The following ARHGAP36 variants were observed in gnomAD, a reference collection of about 807,000 sequenced individuals.
ARHGAP36 encodes rho GTPase-activating protein 36.
ARHGAP36 carries 7 observed loss-of-function variants against 32.9 expected under a neutral mutation model. The ratio of observed to expected loss-of-function variants is 0.21; its 90% CI spans 0.12 to 0.40. The LOEUF (loss-of-function observed/expected upper bound fraction) is 0.40. Among genes scored for constraint, ARHGAP36 ranks in the 10% least tolerant of loss-of-function variants. The probability of loss-of-function intolerance (pLI) is 1.00; values close to 1 mark genes in which losing one functional copy is unlikely to be tolerated. For synonymous variants in ARHGAP36, 165 were observed against 168.3 expected, an observed-to-expected ratio of 0.98 and a Z score of 0.15; for missense variants, 383 against 442.2, an observed-to-expected ratio of 0.87 and a Z score of 1.20.
intron 1 of ARHGAP36, among the ~76,000 whole-genome samples, chrX:131,065,916 G>A (rs2079696129): frequency 8.9e-6 from 1 of 111,892 alleles, no homozygotes; most frequent in African/African-American, 3.3e-5. Context: ...CTGTTGAATT[G>A]TCCCTCTCTA....
chrX:131,087,170 A>G (rs909742367), intron 11 of ARHGAP36, among the ~76,000 whole-genome samples: 1 of 111,691 alleles, frequency 9.0e-6, no homozygotes, highest in Non-Finnish European at 1.9e-5. Flanking sequence ...AACCTTGCAG[A>G]AGCTCCCTAT....
At chrX:131,074,352 TGTGTGTGA>T (rs72086792) in intron 1 of ARHGAP36, among the ~76,000 whole-genome samples, 52,152 of 102,272 alleles carry the variant, frequency 0.51, 11,414 homozygotes, top group Non-Finnish European at 0.66. Flanking sequence ...TGTGTGTGTG[TGTGTGTGA>T]GAGAGAGAGA....
chrX:131,077,658 C>CT (rs2079769700), intron 1 of ARHGAP36, among the ~76,000 whole-genome samples: 1 of 108,583 alleles, frequency 9.2e-6, no homozygotes, highest in Non-Finnish European at 1.9e-5. Context: ...TGTGTTTCCC[C>CT]TTTTTGTATT....
intron 1 of ARHGAP36, among the ~76,000 whole-genome samples, chrX:131,069,852 G>A (rs376724321): frequency 6.3e-5 from 7 of 111,948 alleles, no homozygotes; most frequent in Admixed American, 9.4e-5. Flanking sequence ...TTACAGAGAT[G>A]CCACAGTAAT....
chrX:131,088,963 T>G lies in ARHGAP36; in HGVS notation c.*178T>G, dbSNP rs779126058. 31 of 625,129 alleles carry G rather than the reference T, an allele frequency of 5.0e-5. No homozygotes were observed. Among genetic ancestry groups the G allele is most frequent in the Non-Finnish European group, 7.1e-5 (31 of 437,324 alleles). The allele number at this position is 625,129 out of a possible 1,213,427, so 51.5% of individuals were successfully genotyped here. A position where few individuals can be genotyped will look rare whatever the true frequency, so the allele number is the denominator to read the frequency against. On this transcript the variant is annotated 3_prime_UTR_variant, in exon 12 of 12. Coordinates refer to ENST00000276211, the MANE Select transcript of ARHGAP36 (RefSeq NM_144967.4). Reference sequence around the variant, plus strand: ...ACACTGCCAGCCCCTTCACTGGGGATGCTTGGTCTCTTCTGCTGGTAAAAG... The same window carrying G: ...ACACTGCCAGCCCCTTCACTGGGGAGGCTTGGTCTCTTCTGCTGGTAAAAG...
chrX:131,061,565 C>G (rs1370033630), intron 1 of ARHGAP36, among the ~76,000 whole-genome samples: 1 of 111,816 alleles, frequency 8.9e-6, no homozygotes, highest in Non-Finnish European at 1.9e-5. Flanking sequence ...ACTTTACATA[C>G]AAATTTGATC....
intron 1 of ARHGAP36, chrX:131,078,728 C>T: frequency 1.0e-6 from 1 of 981,552 alleles, no homozygotes; most frequent in Non-Finnish European, 1.3e-6. Context: ...TTGTATGCTA[C>T]TGGCACCTTG....
At chrX:131,082,563 G>GCCCC (rs1167856684) in intron 2 of ARHGAP36, among the ~76,000 whole-genome samples, 1 of 113,222 alleles carries the variant, frequency 8.8e-6, no homozygotes, top group Non-Finnish European at 1.9e-5. Flanking sequence ...ACCCAGGCGC[G>GCCCC]CCCCAGAGGT....
intron 4 of ARHGAP36, 77 bp from the exon 5 acceptor site, chrX:131,084,138 C>G: frequency 9.4e-7 from 1 of 1,064,804 alleles, no homozygotes; most frequent in South Asian, 2.2e-5. Flanking sequence ...TCCTGAATGT[C>G]ATACATACAG....
chrX:131,059,295 C>A (rs1251011859), intron 1 of ARHGAP36, among the ~76,000 whole-genome samples: 2 of 109,468 alleles, frequency 1.8e-5, no homozygotes, highest in Non-Finnish European at 1.9e-5. Flanking sequence ...ACCCCAGGAC[C>A]CCCACCCACA....
intron 2 of ARHGAP36, 28 bp from the exon 3 acceptor site, chrX:131,083,137 G>C: frequency 8.4e-7 from 1 of 1,193,867 alleles, no homozygotes; most frequent in Non-Finnish European, 1.1e-6. Flanking sequence ...ATTTGTAAGT[G>C]TATCTTTTCT....
chrX:131,077,474 G>A (rs955747637), intron 1 of ARHGAP36, among the ~76,000 whole-genome samples: 3 of 110,267 alleles, frequency 2.7e-5, no homozygotes, highest in Non-Finnish European at 5.7e-5. Context: ...TTTTATGGGG[G>A]TAATGGAGTA....
chrX:131,086,038 T>A lies in ARHGAP36; in HGVS notation c.1230T>A (p.Ala410=). 1 of 1,211,780 alleles carries A rather than the reference T, an allele frequency of 8.3e-7. No homozygotes were observed. Among genetic ancestry groups the A allele is most frequent in the Non-Finnish European group, 1.1e-6 (1 of 895,538 alleles). ...AGCTGGGGATTGATCACTATGTTGC[T>A]TCTGTCAATGTGGTCCGTGCCATGA... The part of the protein sequence containing the change: ...KTKLGIDHYV[A]SVNVVRAMID... Residue 410 remains alanine (A), a synonymous_variant, in exon 9 of 12, where the codon GCT becomes GCA. Coordinates refer to ENST00000276211, the MANE Select transcript of ARHGAP36 (RefSeq NM_144967.4).
intron 1 of ARHGAP36, chrX:131,078,637 C>A: frequency 1.5e-6 from 1 of 657,112 alleles, no homozygotes; most frequent in South Asian, 2.7e-5. Flanking sequence ...AGTGCGAAAG[C>A]CTGCCTACTC....
intron 2 of ARHGAP36, 101 bp downstream of exon 2, chrX:131,082,019 C>A: frequency 2.0e-6 from 2 of 995,970 alleles, no homozygotes; most frequent in Admixed American, 2.6e-5. Context: ...GAGGGGCTCA[C>A]GCCTGATCTC....
chrX:131,058,371 G>A lies in ARHGAP36; in HGVS notation c.-216G>A. 1 of 1,126,375 alleles carries A rather than the reference G, an allele frequency of 8.9e-7. No individual in the cohort carries two copies. The highest frequency in any genetic ancestry group is 3.7e-5 in the East Asian group (1 of 27,264). 92.8% of individuals were successfully genotyped at this position (1,126,375 alleles called of 1,213,427 possible). On this transcript the variant is annotated 5_prime_UTR_variant, in exon 1 of 12. Coordinates refer to ENST00000276211, the MANE Select transcript of ARHGAP36 (RefSeq NM_144967.4). The stretch of plus-strand genomic sequence containing the variant: ...GCAAAGGTTAACTGCGAGCTGCCGG[G>A]CACTCAGCGCGGGTCATGGCGTGGA...
At chrX:131,067,998 C>G (rs1022906157) in intron 1 of ARHGAP36, among the ~76,000 whole-genome samples, 2 of 111,442 alleles carry the variant, frequency 1.8e-5, no homozygotes, top group Non-Finnish European at 3.8e-5. Flanking sequence ...CACCACAGCA[C>G]GACCACAAAC....
chrX:131,062,471 G>A (rs145033528), intron 1 of ARHGAP36, among the ~76,000 whole-genome samples: 3 of 110,888 alleles, frequency 2.7e-5, no homozygotes, highest in Admixed American at 1.9e-4. Flanking sequence ...ACTAGATCCG[G>A]CCAGCCAACC....
chrX:131,075,153 C>T lies in ARHGAP36; in HGVS notation c.-142-6371C>T, dbSNP rs1013338064. Among the ~76,000 whole-genome samples the T allele has an allele frequency of 2.7e-5, 3 of 112,116 alleles. No individual in the cohort carries two copies. In the Admixed American group the frequency reaches 2.8e-4, roughly 11 times the overall value. On this transcript the variant is annotated intron_variant, in intron 1 of 11. Transcript: ENST00000276211. ...TCCCAGGTATTTTGGAGGGCAATTC[C>T]TCACCTTGCTTGTTTGCTTGCTTGG...
Sources: allele counts gnomAD v4.1 joint callset (sites outside exome capture counted in the v4.1 genomes callset), GRCh38; gene constraint gnomAD v4.1.1; transcripts MANE v1.5; gene names NCBI Gene and HGNC (gene_info 2026-07-23, HGNC 2026-07-21).